RIMS2: variants seen among roughly 807,000 people sequenced by gnomAD.
RIMS2 encodes regulating synaptic membrane exocytosis protein 2.
A neutral mutation model predicts 174.4 loss-of-function variants in RIMS2; 59 were observed. The observed-to-expected ratio is 0.34, with a 90% CI of 0.27 to 0.42. The LOEUF is 0.42. Among genes scored for constraint, RIMS2 ranks in the 10% least tolerant of loss-of-function variants. RIMS2 has a pLI of 1.00. For synonymous variants in RIMS2, 606 were observed against 572.5 expected (o/e 1.06, Z -0.84); for missense variants, 1,620 against 1,666.3 (o/e 0.97, Z 0.48).
At chr8:103,629,748 C>T (rs1211323729) in intron 1 of RIMS2, among the ~76,000 whole-genome samples, 4 of 151,468 alleles carry the variant, frequency 2.6e-5, no homozygotes, top group Admixed American at 6.6e-5. Context: ...GTAAAAAATG[C>T]AATAACCAAA....
At chr8:103,935,235 T>C (rs947674104) in intron 12 of RIMS2, among the ~76,000 whole-genome samples, 3 of 152,232 alleles carry the variant, frequency 2.0e-5, no homozygotes, top group African/African-American at 7.2e-5. Flanking sequence ...CTTCTTTCCA[T>C]GTATAGAGAT....
intron 3 of RIMS2, among the ~76,000 whole-genome samples, chr8:103,852,767 A>G (rs556962224): frequency 1.3e-5 from 2 of 152,196 alleles, no homozygotes; most frequent in Admixed American, 1.3e-4. Flanking sequence ...GTAGTATTCC[A>G]TGATGTGTAT....
intron 19 of RIMS2, among the ~76,000 whole-genome samples, chr8:104,073,000 T>G (rs1339758823): frequency 6.6e-6 from 1 of 152,192 alleles, no homozygotes; most frequent in Non-Finnish European, 1.5e-5. Flanking sequence ...CTTGTACTTT[T>G]TTTATCCCAG....
rs534505852 is a variant in RIMS2 at position 103,857,644 on chromosome 8, T to A, written c.699-27654T>A. Among the ~76,000 whole-genome samples, 12 of 152,316 alleles carry A rather than the reference T, an allele frequency of 7.9e-5. No individual in the cohort carries two copies. In the South Asian group the frequency reaches 1.7e-3, roughly 21 times the overall value. On this transcript the variant is annotated intron_variant, in intron 3 of 23. Coordinates refer to ENST00000504942, the Ensembl canonical transcript of RIMS2. The stretch of plus-strand genomic sequence containing the variant: ...TGAGATACACAATATTTAATATTTT[T>A]AAGTTTATCATACAATTATTATTAT...
At chr8:103,680,281 A>T (rs1021686461) in intron 1 of RIMS2, among the ~76,000 whole-genome samples, 3 of 152,072 alleles carry the variant, frequency 2.0e-5, no homozygotes, top group African/African-American at 7.2e-5. Context: ...AGTGGAAGAA[A>T]GGACGAACTA....
chr8:103,587,213 A>T (rs2093972822), intron 1 of RIMS2, among the ~76,000 whole-genome samples: 1 of 152,028 alleles, frequency 6.6e-6, no homozygotes, highest in South Asian at 2.1e-4. Context: ...GACATAATAA[A>T]AATTCTTTCA....
Position 104,127,400 on chromosome 8 carries a change from C to T in RIMS2, c.3334+112785C>T, listed in dbSNP as rs376264559. 2.6e-5 allele frequency among the ~76,000 whole-genome samples: 4 copies of T among 152,108 alleles called. No individual in the cohort carries two copies. In the South Asian group the frequency reaches 6.2e-4, roughly 24 times the overall value. On this transcript the variant is annotated intron_variant, in intron 19 of 23. Transcript: ENST00000504942. ...TCTAGGCTCAATTCCAATCAATGTT[C>T]GGCCCAGAGCTGGTTCCTAGTAAGA... is the stretch of plus-strand genomic sequence containing the variant.
chr8:103,557,967 A>C (rs531701236), intron 1 of RIMS2, among the ~76,000 whole-genome samples: 2 of 152,216 alleles, frequency 1.3e-5, no homozygotes, highest in Non-Finnish European at 2.9e-5. Flanking sequence ...GTAAAATTAA[A>C]ATTTAAGATT....
At chr8:103,728,458 G>C (rs1369419093) in intron 2 of RIMS2, among the ~76,000 whole-genome samples, 1 of 152,006 alleles carries the variant, frequency 6.6e-6, no homozygotes, top group Non-Finnish European at 1.5e-5. Flanking sequence ...AGGACTTCCA[G>C]TACTATGTTG....
intron 3 of RIMS2, among the ~76,000 whole-genome samples, chr8:103,823,598 T>C (rs1469992435): frequency 6.6e-6 from 1 of 152,008 alleles, no homozygotes; most frequent in Non-Finnish European, 1.5e-5. Context: ...TAAATAAATG[T>C]TTATTTAGTA....
At chr8:103,579,445 C>T (rs1195669248) in intron 1 of RIMS2, among the ~76,000 whole-genome samples, 1 of 152,064 alleles carries the variant, frequency 6.6e-6, no homozygotes, top group Non-Finnish European at 1.5e-5. Flanking sequence ...GTGTGCAGTC[C>T]ATTCATAACT....
At chr8:104,106,212 G>A (rs1185873883) in intron 19 of RIMS2, among the ~76,000 whole-genome samples, 3 of 151,938 alleles carry the variant, frequency 2.0e-5, no homozygotes, top group African/African-American at 4.8e-5. Flanking sequence ...GGGATTATAG[G>A]CATGAGCCCC....
chr8:103,815,035 T>C (rs1453058133), intron 3 of RIMS2, among the ~76,000 whole-genome samples: 1 of 152,222 alleles, frequency 6.6e-6, no homozygotes, highest in African/African-American at 2.4e-5. Flanking sequence ...CTCCACTGTT[T>C]GAAAATTAAA....
intron 1 of RIMS2, among the ~76,000 whole-genome samples, chr8:103,633,128 G>A (rs1299880463): frequency 6.6e-6 from 1 of 151,206 alleles, no homozygotes; most frequent in African/African-American, 2.4e-5. Context: ...CTGAGTTCAG[G>A]CAATTCTCCT....
intron 1 of RIMS2, among the ~76,000 whole-genome samples, chr8:103,573,738 T>C (rs1230582431): frequency 6.6e-6 from 1 of 152,224 alleles, no homozygotes; most frequent in Non-Finnish European, 1.5e-5. Flanking sequence ...TTTTTAATTC[T>C]GTGAAAAATG....
At chr8:103,807,469 C>A (rs1240827887) in intron 3 of RIMS2, among the ~76,000 whole-genome samples, 1 of 151,950 alleles carries the variant, frequency 6.6e-6, no homozygotes, top group African/African-American at 2.4e-5. Context: ...ATGGCCATAG[C>A]AACTAAAGAC....
chr8:104,038,028 T>C (rs2096549086), intron 19 of RIMS2, among the ~76,000 whole-genome samples: 1 of 152,082 alleles, frequency 6.6e-6, no homozygotes, highest in Non-Finnish European at 1.5e-5. Flanking sequence ...GACTATATCA[T>C]AGCCTGGGTG....
intron 3 of RIMS2, among the ~76,000 whole-genome samples, chr8:103,815,639 A>T (rs971392224): frequency 3.3e-5 from 5 of 152,200 alleles, no homozygotes; most frequent in Non-Finnish European, 7.4e-5. Flanking sequence ...GAAAAGGATA[A>T]TCATAAGCCC....
chr8:103,553,531 G>A (rs757604015), intron 1 of RIMS2, among the ~76,000 whole-genome samples: 7 of 151,976 alleles, frequency 4.6e-5, no homozygotes, highest in Non-Finnish European at 1.0e-4. Context: ...CACCAACATG[G>A]CACATATATA....
Sources: allele counts gnomAD v4.1 joint callset (sites outside exome capture counted in the v4.1 genomes callset), GRCh38; gene constraint gnomAD v4.1.1; transcripts MANE v1.5; gene names NCBI Gene and HGNC (gene_info 2026-07-23, HGNC 2026-07-21).